NLGN4X: variants seen among roughly 807,000 people sequenced by gnomAD.
NLGN4X encodes neuroligin 4 X-linked, also known as neuroligin-4, X-linked.
In NLGN4X, 3 loss-of-function variants were observed where a neutral mutation model predicts 40.3. That is an observed-to-expected ratio of 0.07 (90% CI 0.03 to 0.19). The LOEUF (loss-of-function observed/expected upper bound fraction) is 0.19. Among genes scored for constraint, NLGN4X ranks in the 10% least tolerant of loss-of-function variants. NLGN4X has a pLI of 1.00. For missense variants in NLGN4X, 382 were observed against 708.3 expected, an observed-to-expected ratio of 0.54 and a Z score of 5.23; for synonymous variants, 270 against 306.8, an observed-to-expected ratio of 0.88 and a Z score of 1.25.
intron 3 of NLGN4X, among the ~76,000 whole-genome samples, chrX:5,985,411 C>A (rs903678577): frequency 6.3e-5 from 7 of 110,833 alleles, no homozygotes; most frequent in African/African-American, 2.0e-4. Flanking sequence ...CAGGTGCACA[C>A]CACCACACCT....
chrX:5,925,564 A>G (rs905688402), intron 3 of NLGN4X, among the ~76,000 whole-genome samples: 6 of 109,012 alleles, frequency 5.5e-5, no homozygotes, highest in African/African-American at 2.0e-4. Context: ...TTGCATTTCT[A>G]ACAAGTTGCT....
chrX:6,208,847 A>G (rs1924292356), intron 1 of NLGN4X, among the ~76,000 whole-genome samples: 1 of 111,876 alleles, frequency 8.9e-6, no homozygotes, highest in African/African-American at 3.3e-5. Context: ...CTAAAAATAG[A>G]ACTACCATCT....
At position 5,903,648 on chromosome X, in the gene NLGN4X, T is replaced by C; in HGVS notation, c.1030A>G (p.Ile344Val). 8.3e-7 allele frequency: 1 copy of C among 1,211,743 alleles called. No individual in the cohort carries two copies. The highest frequency in any genetic ancestry group is 2.3e-4 in the Middle Eastern group (1 of 4,356). ...ATYHIAFGPV[I>V]DGDVIPDDPQ... The stretch of plus-strand genomic sequence containing the variant: ...TCGTCTGGGATGACGTCGCCGTCGA[T>C]CACCGGCCCGAAGGCTATGTGGTAG... Residue 344 changes from isoleucine (I) to valine (V), a missense_variant, in exon 5 of 6, where the codon ATC becomes GTC. By Grantham distance (29) the Ile-to-Val change is conservative. Transcript: ENST00000381095.
chrX:6,101,684 T>TGGGATGTG (rs946016212), intron 2 of NLGN4X, among the ~76,000 whole-genome samples: 3 of 109,025 alleles, frequency 2.8e-5, no homozygotes, highest in Non-Finnish European at 5.7e-5. Context: ...GTAGTGGGGG[T>TGGGATGTG]GGGATGTGGG....
chrX:5,968,416 G>T (rs1212211694), intron 3 of NLGN4X, among the ~76,000 whole-genome samples: 1 of 59,238 alleles, frequency 1.7e-5, no homozygotes, highest in African/African-American at 7.6e-5. Context: ...ATCTAGTATG[G>T]CTGTCTTTGA....
intron 2 of NLGN4X, among the ~76,000 whole-genome samples, chrX:6,148,794 G>A (rs1186325866): frequency 8.9e-6 from 1 of 111,841 alleles, no homozygotes; most frequent in Admixed American, 9.5e-5. Flanking sequence ...GATTACAGGC[G>A]TGAGCCACCG....
At chrX:5,913,063 GAAGGAAGA>G (rs2032588992) in intron 3 of NLGN4X, among the ~76,000 whole-genome samples, 4 of 100,621 alleles carry the variant, frequency 4.0e-5, no homozygotes, top group African/African-American at 1.1e-4. Context: ...AGGAAGGAAG[GAAGGAAGA>G]AAGGAAGGAA....
chrX:5,946,612 T>G (rs112860468), intron 3 of NLGN4X, among the ~76,000 whole-genome samples: 125 of 111,613 alleles, frequency 1.1e-3, no homozygotes, highest in African/African-American at 3.8e-3. Flanking sequence ...ATAACTTGAA[T>G]TTTAGGAGTG....
intron 2 of NLGN4X, among the ~76,000 whole-genome samples, chrX:6,140,457 GAC>G (rs34281533): frequency 0.03 from 2,905 of 95,878 alleles, 45 homozygotes; most frequent in East Asian, 0.047. Context: ...TTCACACACA[GAC>G]ACACACACAC....
chrX:6,222,262 T>C (rs1030227789), intron 1 of NLGN4X, among the ~76,000 whole-genome samples: 43 of 111,051 alleles, frequency 3.9e-4, no homozygotes, highest in Non-Finnish European at 6.4e-4. Flanking sequence ...CCACAGATGT[T>C]AATAAAATCA....
At chrX:6,175,036 T>A (rs1217170766) in intron 1 of NLGN4X, among the ~76,000 whole-genome samples, 1 of 111,870 alleles carries the variant, frequency 8.9e-6, no homozygotes, top group African/African-American at 3.2e-5. Flanking sequence ...AATAAATATG[T>A]ATTGCTTTCT....
intron 2 of NLGN4X, among the ~76,000 whole-genome samples, chrX:6,048,663 C>T (rs112249194): frequency 0.04 from 4,427 of 111,108 alleles, 101 homozygotes; most frequent in East Asian, 0.11. Context: ...ACTATGCAGC[C>T]ATAAAACAGA....
At chrX:5,934,415 G>A (rs886418783) in intron 3 of NLGN4X, among the ~76,000 whole-genome samples, 7 of 111,940 alleles carry the variant, frequency 6.3e-5, no homozygotes, top group Admixed American at 9.5e-5. Context: ...ACAATCTGAC[G>A]ATGTTGTAAG....
intron 5 of NLGN4X, among the ~76,000 whole-genome samples, chrX:5,896,253 G>A (rs113291915): frequency 0.066 from 7,355 of 111,268 alleles, 231 homozygotes; most frequent in East Asian, 0.14. Context: ...ATAAAGCAGA[G>A]GATTTGGAAA....
intron 3 of NLGN4X, among the ~76,000 whole-genome samples, chrX:5,925,895 T>G (rs866798132): frequency 5.9e-5 from 1 of 16,974 alleles, no homozygotes; most frequent in African/African-American, 5.6e-4. Context: ...TATATATATA[T>G]ATATATATAT....
At chrX:6,056,479 A>C (rs748029486) in intron 2 of NLGN4X, among the ~76,000 whole-genome samples, 10 of 111,529 alleles carry the variant, frequency 9.0e-5, no homozygotes, top group African/African-American at 3.3e-4. Context: ...CCATCTCAAA[A>C]AAAAAAAAAG....
At chrX:5,971,748 T>C (rs12389903) in intron 3 of NLGN4X, among the ~76,000 whole-genome samples, 33,637 of 110,400 alleles carry the variant, frequency 0.3, 4,594 homozygotes, top group Middle Eastern at 0.59. Flanking sequence ...TTGGGGAAAA[T>C]GATACTAGAC....
At chrX:6,044,222 G>T (rs1229041134) in intron 2 of NLGN4X, among the ~76,000 whole-genome samples, 1 of 112,002 alleles carries the variant, frequency 8.9e-6, no homozygotes, top group Non-Finnish European at 1.9e-5. Flanking sequence ...ATTGCAGGCT[G>T]CAGTGAGCTA....
At chrX:5,908,522 CA>C (rs756773892) in intron 4 of NLGN4X, among the ~76,000 whole-genome samples, 2 of 104,977 alleles carry the variant, frequency 1.9e-5, no homozygotes, top group East Asian at 6.0e-4. Context: ...GTCAGAATGG[CA>C]AAAAAAAACA....
Sources: gnomAD v4.1 joint callset for allele counts (sites outside exome capture counted in the v4.1 genomes callset) on GRCh38, gnomAD v4.1.1 for gene constraint, MANE v1.5 for transcripts, NCBI Gene and HGNC (gene_info 2026-07-23, HGNC 2026-07-21) for gene names.